Variants in CHEK1 observed in about 807,000 individuals in gnomAD.
CHEK1 encodes checkpoint kinase 1.
A neutral mutation model predicts 60.2 loss-of-function variants in CHEK1; 32 were observed. The observed-to-expected ratio is 0.53, with a 90% CI of 0.40 to 0.71. The LOEUF is 0.71. Ranked by LOEUF, CHEK1 falls within the 30% of genes least tolerant of loss-of-function variation. The pLI, the probability that CHEK1 is intolerant of heterozygous loss-of-function variation, is 0.00. For synonymous variants in CHEK1, 179 were observed against 187.2 expected (o/e 0.96, Z 0.36); for missense variants, 399 against 564.6 (o/e 0.71, Z 2.97).
chr11:125,678,305 G>A, downstream of CHEK1: 1 of 1,612,406 alleles, frequency 6.2e-7, no homozygotes, highest in Non-Finnish European at 8.5e-7. Context: ...TTCCTGGGAT[G>A]GAGAAGGAAC....
intron 13 of CHEK1, among the ~76,000 whole-genome samples, chr11:125,669,372 G>A (rs961751436): frequency 1.3e-5 from 2 of 152,008 alleles, no homozygotes; most frequent in South Asian, 4.1e-4. Flanking sequence ...GCTCTCCATT[G>A]TTTCTGATGA....
intron 8 of CHEK1, among the ~76,000 whole-genome samples, chr11:125,638,946 C>T (rs1224282157): frequency 2.0e-5 from 3 of 152,158 alleles, no homozygotes; most frequent in Admixed American, 1.3e-4. Context: ...CTGACTTCCT[C>T]CCTTAATATT....
chr11:125,652,293 T>C (rs74677985), intron 11 of CHEK1, among the ~76,000 whole-genome samples: 12,016 of 152,230 alleles, frequency 0.079, 567 homozygotes, highest in African/African-American at 0.13. Flanking sequence ...CTTTTCTTTC[T>C]GCATCATTCA....
intron 11 of CHEK1, among the ~76,000 whole-genome samples, chr11:125,646,546 G>A (rs559336162): frequency 2.0e-5 from 3 of 152,270 alleles, no homozygotes; most frequent in Admixed American, 1.3e-4. Flanking sequence ...GAGAAACTGT[G>A]AAATGATTTT....
At chr11:125,666,922 A>ATT (rs898699237) in intron 13 of CHEK1, among the ~76,000 whole-genome samples, 1 of 106,724 alleles carries the variant, frequency 9.4e-6, no homozygotes, top group African/African-American at 3.5e-5. Flanking sequence ...TTGAATCTTG[A>ATT]TTTTTTTTTT....
intron 11 of CHEK1, among the ~76,000 whole-genome samples, chr11:125,652,404 T>G (rs1941770104): frequency 6.6e-6 from 1 of 152,246 alleles, no homozygotes; most frequent in South Asian, 2.1e-4. Context: ...ATTGCCGCTC[T>G]AGCTTTTCAG....
chr11:125,670,538 A>G (rs527668613), intron 13 of CHEK1, among the ~76,000 whole-genome samples: 2 of 152,024 alleles, frequency 1.3e-5, no homozygotes, highest in African/African-American at 2.4e-5. Context: ...TCACTGCCCT[A>G]TTTTTTCAGC....
chr11:125,638,156 C>G (rs1244400755), intron 8 of CHEK1, among the ~76,000 whole-genome samples: 2 of 152,172 alleles, frequency 1.3e-5, no homozygotes, highest in South Asian at 4.1e-4. Flanking sequence ...AACTTAAGAC[C>G]ACTGGGGAGA....
In CHEK1 at chr11:125,655,919, A is replaced by G. The variant is rs1941891120; in HGVS notation, c.*599A>G. 1 of 209,104 alleles carries G rather than the reference A, an allele frequency of 4.8e-6. No individual in the cohort carries two copies. Among genetic ancestry groups the G allele is most frequent in the Non-Finnish European group, 9.7e-6 (1 of 102,910 alleles). 13.0% of individuals were successfully genotyped at this position (209,104 alleles called of 1,614,324 possible). A position where few individuals can be genotyped will look rare whatever the true frequency, so the allele number is the denominator to read the frequency against. On this transcript the variant is annotated 3_prime_UTR_variant, in exon 13 of 13. Transcript: ENST00000438015. Reference sequence around the variant, plus strand: ...TTTTTTCCAGTGTAGTTAGTAAAATACTTGTATTTTACAGTGTTGCATAAA... The same window carrying G: ...TTTTTTCCAGTGTAGTTAGTAAAATGCTTGTATTTTACAGTGTTGCATAAA...
chr11:125,631,778 C>A (rs1052125927), intron 5 of CHEK1, among the ~76,000 whole-genome samples: 1 of 142,050 alleles, frequency 7.0e-6, no homozygotes, highest in African/African-American at 2.6e-5. Flanking sequence ...GGATTGATCA[C>A]TTCAGCCTAG....
At chr11:125,658,750 C>T (rs1427246329), downstream of CHEK1, among the ~76,000 whole-genome samples, 2 of 134,402 alleles carry the variant, frequency 1.5e-5, no homozygotes, top group East Asian at 2.4e-4. Flanking sequence ...AGTGCAGTGG[C>T]ACAATCACAG....
At chr11:125,644,479 G>A (rs1433040348) in intron 10 of CHEK1, 33 bp from the exon 11 acceptor site, 2 of 1,606,818 alleles carry the variant, frequency 1.2e-6, no homozygotes, top group Non-Finnish European at 1.7e-6. Flanking sequence ...AGTCCTAATG[G>A]ATTTATTCAT....
At chr11:125,631,936 C>G (rs1940882006) in intron 5 of CHEK1, among the ~76,000 whole-genome samples, 1 of 144,390 alleles carries the variant, frequency 6.9e-6, no homozygotes, top group Admixed American at 6.9e-5. Context: ...GTAAACATTT[C>G]ATTGGTTTAC....
downstream of CHEK1, among the ~76,000 whole-genome samples, chr11:125,679,059 G>A (rs1046756839): frequency 1.4e-5 from 2 of 144,326 alleles, no homozygotes; most frequent in Non-Finnish European, 3.0e-5. Context: ...ACTTCATGGA[G>A]TTGTCCTGAG....
At chr11:125,637,948 G>A (rs549557109) in intron 8 of CHEK1, among the ~76,000 whole-genome samples, 10 of 152,368 alleles carry the variant, frequency 6.6e-5, no homozygotes, top group Non-Finnish European at 8.8e-5. Flanking sequence ...GGCACAAGCC[G>A]TGTCTGTTGT....
chr11:125,643,707 A>T, intron 8 of CHEK1, 85 bp from the exon 9 acceptor site: 1 of 949,656 alleles, frequency 1.1e-6, no homozygotes, highest in Non-Finnish European at 1.6e-6. Context: ...ACATAGTTTT[A>T]CTTCTTCAAG....
chr11:125,668,265 A>G (rs539115651), intron 13 of CHEK1, among the ~76,000 whole-genome samples: 2 of 152,182 alleles, frequency 1.3e-5, no homozygotes, highest in African/African-American at 4.8e-5. Context: ...TTCATTTGGA[A>G]TAGTTCCTCG....
intron 6 of CHEK1, among the ~76,000 whole-genome samples, chr11:125,635,166 C>T (rs778045276): frequency 2.8e-4 from 43 of 151,852 alleles, no homozygotes; most frequent in South Asian, 1.0e-3. Flanking sequence ...ACTATGTTGC[C>T]CAGGCTGGTC....
Position 125,656,492 on chromosome 11 carries a change from TAGG to T in CHEK1, c.*1177_*1179del. On this transcript the variant is annotated 3_prime_UTR_variant, in exon 13 of 13. Coordinates refer to ENST00000438015, the MANE Select transcript of CHEK1 (RefSeq NM_001114122.3). ...AAATTGTGTTACTGGAGTATACCCATAGGAGGAATAAATTCAAACCTGTTTTAT... is the reference window on the plus strand; with the variant it reads ...AAATTGTGTTACTGGAGTATACCCATAGGAATAAATTCAAACCTGTTTTAT... The T allele has an allele frequency of 9.3e-6, 2 of 215,924 alleles. No homozygotes were observed. Among genetic ancestry groups the T allele is most frequent in the Non-Finnish European group, 1.9e-5 (2 of 107,268 alleles). 13.4% of individuals were successfully genotyped at this position (215,924 alleles called of 1,614,324 possible).
Sources: gnomAD v4.1 joint callset for allele counts (sites outside exome capture counted in the v4.1 genomes callset) on GRCh38, gnomAD v4.1.1 for gene constraint, MANE v1.5 for transcripts, NCBI Gene and HGNC (gene_info 2026-07-23, HGNC 2026-07-21) for gene names.